CSMD1: variants seen among roughly 807,000 people sequenced by gnomAD.
The protein encoded by CSMD1 is CUB and Sushi multiple domains 1.
In CSMD1, 213 loss-of-function variants were observed where a neutral mutation model predicts 417.5. The ratio of observed to expected loss-of-function variants is 0.51; its 90% CI spans 0.46 to 0.57. The LOEUF (loss-of-function observed/expected upper bound fraction) is 0.57, where lower values mean the gene tolerates loss of function less well. Ranked by LOEUF, CSMD1 falls within the 20% of genes least tolerant of loss-of-function variation. The pLI, the probability that CSMD1 is intolerant of heterozygous loss-of-function variation, is 0.00. For synonymous variants in CSMD1, 2,862 were observed against 1,736.8 expected, an observed-to-expected ratio of 1.65 and a Z score of -16.11; for missense variants, 6,923 against 4,529.7, an observed-to-expected ratio of 1.53 and a Z score of -15.17.
intron 6 of CSMD1, among the ~76,000 whole-genome samples, chr8:3,710,986 A>G (rs1036041091): frequency 2.0e-5 from 3 of 152,150 alleles, no homozygotes; most frequent in Non-Finnish European, 4.4e-5. Flanking sequence ...CTTCTGTATC[A>G]TGCCTTGACC....
At chr8:4,390,403 A>T (rs576189494) in intron 3 of CSMD1, among the ~76,000 whole-genome samples, 1 of 152,324 alleles carries the variant, frequency 6.6e-6, no homozygotes, top group East Asian at 1.9e-4. Flanking sequence ...TAACAGGAGA[A>T]ATAAAACATC....
At chr8:3,978,201 G>T (rs574982642) in intron 5 of CSMD1, among the ~76,000 whole-genome samples, 2 of 152,174 alleles carry the variant, frequency 1.3e-5, no homozygotes, top group Non-Finnish European at 2.9e-5. Flanking sequence ...TATTACCAAT[G>T]AGGTCACTGC....
chr8:3,476,831 T>G (rs1392788736), intron 11 of CSMD1, among the ~76,000 whole-genome samples: 3 of 147,566 alleles, frequency 2.0e-5, no homozygotes, highest in Non-Finnish European at 4.4e-5. Flanking sequence ...GGCAAGGGAA[T>G]GGCTTGAACC....
intron 8 of CSMD1, among the ~76,000 whole-genome samples, chr8:3,591,544 A>T (rs1186861587): frequency 1.3e-5 from 2 of 152,190 alleles, no homozygotes; most frequent in East Asian, 3.9e-4. Flanking sequence ...CAAAACAGGA[A>T]ATGGGTTGAC....
At position 4,540,870 on chromosome 8, in the gene CSMD1, G is replaced by T. The variant is rs933711409; in HGVS notation, c.302+96472C>A. Reference sequence around the variant, plus strand: ...CTCACCCAAACCAGCAACACAGGAAGTCTGACTCTCCGCCACTCTGCTAGT... The same window carrying T: ...CTCACCCAAACCAGCAACACAGGAATTCTGACTCTCCGCCACTCTGCTAGT... On this transcript the variant is annotated intron_variant, in intron 2 of 69. Transcript: ENST00000635120. Among the ~76,000 whole-genome samples, 18 of 152,076 alleles carry T rather than the reference G, an allele frequency of 1.2e-4. No individual in the cohort carries two copies. In the Middle Eastern group the frequency reaches 9.6e-3, roughly 81 times the overall value.
intron 3 of CSMD1, among the ~76,000 whole-genome samples, chr8:4,201,694 G>A (rs1357926582): frequency 9.2e-5 from 14 of 151,810 alleles, no homozygotes. Flanking sequence ...TTATACCTAT[G>A]TGAGAAAATG....
intron 5 of CSMD1, among the ~76,000 whole-genome samples, chr8:3,920,353 G>GTC (rs1356883189): frequency 6.6e-6 from 1 of 151,666 alleles, no homozygotes; most frequent in Non-Finnish European, 1.5e-5. Flanking sequence ...TAAGATGCGT[G>GTC]TGTGTTTGTG....
At chr8:4,804,954 G>C (rs901317440) in intron 1 of CSMD1, among the ~76,000 whole-genome samples, 2 of 152,130 alleles carry the variant, frequency 1.3e-5, no homozygotes, top group East Asian at 1.9e-4. Context: ...AAAGGGATAG[G>C]AACTTGAAAT....
intron 2 of CSMD1, among the ~76,000 whole-genome samples, chr8:4,566,456 A>G (rs973883443): frequency 2.0e-5 from 3 of 151,768 alleles, no homozygotes; most frequent in African/African-American, 7.3e-5. Flanking sequence ...GAACGAGACC[A>G]TCCTGGCTAA....
At chr8:4,407,919 G>A (rs934553990) in intron 3 of CSMD1, among the ~76,000 whole-genome samples, 25 of 152,128 alleles carry the variant, frequency 1.6e-4, no homozygotes, top group African/African-American at 5.1e-4. Flanking sequence ...GCTGAAACGT[G>A]TTCAGCATCT....
At chr8:4,059,126 G>A (rs1452638563) in intron 3 of CSMD1, among the ~76,000 whole-genome samples, 3 of 152,144 alleles carry the variant, frequency 2.0e-5, no homozygotes, top group East Asian at 1.9e-4. Context: ...CTAGAACTCA[G>A]GATTAAGAAA....
intron 5 of CSMD1, among the ~76,000 whole-genome samples, chr8:3,963,131 C>A (rs956917218): frequency 7.2e-5 from 11 of 152,034 alleles, no homozygotes; most frequent in South Asian, 6.2e-4. Context: ...GGGGTTTTAC[C>A]ATGTTGGCTA....
chr8:3,701,523 T>TC (rs1800867950), intron 7 of CSMD1, among the ~76,000 whole-genome samples: 1 of 151,982 alleles, frequency 6.6e-6, no homozygotes, highest in Admixed American at 6.5e-5. Context: ...TTTTTTTTTT[T>TC]AGCATATTGG....
intron 5 of CSMD1, among the ~76,000 whole-genome samples, chr8:3,821,008 C>A (rs1801705195): frequency 6.6e-6 from 1 of 152,052 alleles, no homozygotes; most frequent in Non-Finnish European, 1.5e-5. Context: ...CCTCCACATC[C>A]CGGGTTCAAG....
At chr8:4,383,532 C>A (rs2163303) in intron 3 of CSMD1, among the ~76,000 whole-genome samples, 32 of 151,988 alleles carry the variant, frequency 2.1e-4, no homozygotes, top group African/African-American at 7.5e-4. Flanking sequence ...CTATTGCAGA[C>A]AGGTTGTGGT....
chr8:3,566,724 T>A (rs1156576468), intron 10 of CSMD1, among the ~76,000 whole-genome samples: 1 of 152,092 alleles, frequency 6.6e-6, no homozygotes, highest in African/African-American at 2.4e-5. Context: ...AAAACCACAA[T>A]AAGATACCAT....
intron 2 of CSMD1, among the ~76,000 whole-genome samples, chr8:4,631,820 A>T (rs1310470658): frequency 6.6e-6 from 1 of 152,200 alleles, no homozygotes; most frequent in Non-Finnish European, 1.5e-5. Flanking sequence ...TTAAAGTTAG[A>T]AAGACCGACG....
chr8:3,053,601 G>A (rs1258014998), intron 49 of CSMD1, among the ~76,000 whole-genome samples: 2 of 152,176 alleles, frequency 1.3e-5, no homozygotes, highest in African/African-American at 4.8e-5. Context: ...GAAAGACCAT[G>A]CAAGAAAGAG....
chr8:4,173,553 G>C (rs576838416), intron 3 of CSMD1, among the ~76,000 whole-genome samples: 2 of 152,052 alleles, frequency 1.3e-5, no homozygotes, highest in Non-Finnish European at 2.9e-5. Flanking sequence ...AAAGGAGAAA[G>C]ATAAAATTAT....
Sources: allele counts gnomAD v4.1 joint callset (sites outside exome capture counted in the v4.1 genomes callset), GRCh38; gene constraint gnomAD v4.1.1; transcripts MANE v1.5; gene names NCBI Gene and HGNC (gene_info 2026-07-23, HGNC 2026-07-21).